CNTN5: variants seen among roughly 807,000 people sequenced by gnomAD.
CNTN5 encodes contactin 5.
Under a neutral mutation model 129.1 loss-of-function variants are expected in CNTN5, and 77 were observed. The ratio of observed to expected loss-of-function variants is 0.60; its 90% CI spans 0.50 to 0.72. The LOEUF is 0.72. Ranked by LOEUF, CNTN5 falls within the 30% of genes least tolerant of loss-of-function variation. CNTN5 has a pLI of 0.00. For missense variants in CNTN5, 1,478 were observed against 1,328.8 expected (o/e 1.11, Z -1.75); for synonymous variants, 509 against 465.6 (o/e 1.09, Z -1.20).
At chr11:99,279,929 A>G (rs925181698) in intron 1 of CNTN5, among the ~76,000 whole-genome samples, 1 of 151,438 alleles carries the variant, frequency 6.6e-6, no homozygotes, top group Admixed American at 6.6e-5. Flanking sequence ...ATGGGGAAAG[A>G]GGGGGAGACA....
chr11:99,629,198 T>C (rs1951247103), intron 3 of CNTN5, among the ~76,000 whole-genome samples: 1 of 152,046 alleles, frequency 6.6e-6, no homozygotes, highest in Admixed American at 6.6e-5. Context: ...TAATTTATTT[T>C]GTAGCCACAA....
At chr11:99,527,638 T>G (rs574497033) in intron 2 of CNTN5, among the ~76,000 whole-genome samples, 6 of 152,040 alleles carry the variant, frequency 3.9e-5, no homozygotes, top group African/African-American at 7.2e-5. Context: ...CATTGAAACA[T>G]GAAGGCATAT....
chr11:100,248,451 C>T (rs1200228759), intron 16 of CNTN5, among the ~76,000 whole-genome samples: 1 of 151,970 alleles, frequency 6.6e-6, no homozygotes. Flanking sequence ...GTGGCTGAGG[C>T]AGGAGGATCG....
chr11:100,298,881 T>G (rs1162443171), intron 19 of CNTN5, among the ~76,000 whole-genome samples: 1 of 151,472 alleles, frequency 6.6e-6, no homozygotes, highest in Non-Finnish European at 1.5e-5. Flanking sequence ...TTCATATACA[T>G]GACTAATTGG....
rs533112112 is a variant in CNTN5 at position 99,295,801 on chromosome 11, A to G, written c.-209-29545A>G. On this transcript the variant is annotated intron_variant, in intron 1 of 24. Coordinates refer to ENST00000524871, the MANE Select transcript of CNTN5 (RefSeq NM_014361.4). ...TGAGGCAGGAGAATGGCGTGAACCC[A>G]GGAAGCAGAGCTTGCAGTGAGCCGA... Among the ~76,000 whole-genome samples, 1,064 of 149,252 alleles carry G rather than the reference A, an allele frequency of 7.1e-3. 8 individuals are homozygous for G. Among genetic ancestry groups the G allele is most frequent in the Non-Finnish European group, 0.012 (792 of 67,408 alleles).
chr11:99,826,710 A>G (rs1025624749), intron 4 of CNTN5, among the ~76,000 whole-genome samples: 2 of 152,208 alleles, frequency 1.3e-5, no homozygotes, highest in East Asian at 1.9e-4. Context: ...TAGTTGTAGC[A>G]AAGTATGAAT....
At chr11:99,982,503 A>G (rs951777372) in intron 8 of CNTN5, among the ~76,000 whole-genome samples, 3 of 152,196 alleles carry the variant, frequency 2.0e-5, no homozygotes, top group African/African-American at 7.2e-5. Flanking sequence ...AAGAAGCAAC[A>G]CAGAGAAGAA....
At chr11:99,669,456 GTGTGTGTGTGTGTGTGTA>G (rs1952941007) in intron 3 of CNTN5, among the ~76,000 whole-genome samples, 1 of 79,232 alleles carries the variant, frequency 1.3e-5, no homozygotes. Flanking sequence ...GTGTGTGTGT[GTGTGTGTGTGTGTGTGTA>G]TATGTGTATA....
chr11:99,119,979 A>T (rs1858228485), intron 1 of CNTN5, among the ~76,000 whole-genome samples: 1 of 151,858 alleles, frequency 6.6e-6, no homozygotes, highest in African/African-American at 2.4e-5. Context: ...GTTTGTTTTT[A>T]TTCTTGTAGC....
At chr11:99,430,859 C>T (rs771461844) in intron 2 of CNTN5, among the ~76,000 whole-genome samples, 13 of 151,996 alleles carry the variant, frequency 8.6e-5, no homozygotes, top group African/African-American at 1.7e-4. Flanking sequence ...TCTTATCTAC[C>T]GAACTACGGT....
chr11:100,103,234 C>T (rs190539601), intron 13 of CNTN5, among the ~76,000 whole-genome samples: 1 of 152,230 alleles, frequency 6.6e-6, no homozygotes, highest in East Asian at 1.9e-4. Flanking sequence ...TGCCTTTTAG[C>T]CCTTGCTTAA....
intron 3 of CNTN5, among the ~76,000 whole-genome samples, chr11:99,788,383 A>C (rs1945613706): frequency 1.3e-5 from 2 of 151,986 alleles, no homozygotes; most frequent in Admixed American, 1.3e-4. Context: ...TAGCTCTTAG[A>C]GGTGAACACG....
intron 13 of CNTN5, among the ~76,000 whole-genome samples, chr11:100,179,500 A>C (rs930842282): frequency 2.0e-5 from 3 of 152,144 alleles, no homozygotes; most frequent in African/African-American, 7.2e-5. Context: ...AGTAAAATTG[A>C]CATTTTTATA....
intron 3 of CNTN5, among the ~76,000 whole-genome samples, chr11:99,679,036 A>C (rs1446701248): frequency 6.8e-6 from 1 of 147,012 alleles, no homozygotes; most frequent in Non-Finnish European, 1.5e-5. Context: ...ATATATATAA[A>C]ATATATGCAT....
At chr11:99,062,588 G>A (rs995661011) in intron 1 of CNTN5, among the ~76,000 whole-genome samples, 2 of 152,012 alleles carry the variant, frequency 1.3e-5, no homozygotes, top group African/African-American at 2.4e-5. Flanking sequence ...GGATAATAAG[G>A]GTAGAGTGAA....
At chr11:99,134,112 T>A (rs985092345) in intron 1 of CNTN5, among the ~76,000 whole-genome samples, 2 of 152,148 alleles carry the variant, frequency 1.3e-5, no homozygotes, top group Non-Finnish European at 2.9e-5. Flanking sequence ...GGGACATGAA[T>A]GAAGCTTGAA....
intron 3 of CNTN5, among the ~76,000 whole-genome samples, chr11:99,791,035 T>A (rs1419976382): frequency 6.6e-6 from 1 of 151,958 alleles, no homozygotes; most frequent in Non-Finnish European, 1.5e-5. Context: ...CAGTTTCTTA[T>A]AGATTATTAG....
intron 3 of CNTN5, among the ~76,000 whole-genome samples, chr11:99,585,994 C>T (rs144737578): frequency 3.8e-4 from 58 of 151,996 alleles, no homozygotes; most frequent in African/African-American, 1.3e-3. Flanking sequence ...AGTCAGCTAC[C>T]GTGTTAGTTT....
intron 1 of CNTN5, among the ~76,000 whole-genome samples, chr11:99,322,352 C>T (rs953956090): frequency 5.9e-5 from 9 of 152,058 alleles, no homozygotes; most frequent in Non-Finnish European, 8.8e-5. Flanking sequence ...TTGGGCAATA[C>T]ATTTAATAAG....
Sources: gnomAD v4.1 joint callset for allele counts (sites outside exome capture counted in the v4.1 genomes callset) on GRCh38, gnomAD v4.1.1 for gene constraint, MANE v1.5 for transcripts, NCBI Gene and HGNC (gene_info 2026-07-23, HGNC 2026-07-21) for gene names.